The following NDUFAF2 variants were observed in gnomAD, a reference collection of about 807,000 sequenced individuals.
NDUFAF2 encodes the protein NADH:ubiquinone oxidoreductase complex assembly factor 2.
A neutral mutation model predicts 22.8 loss-of-function variants in NDUFAF2; 13 were observed. The observed-to-expected ratio is 0.57, with a 90% CI of 0.37 to 0.91. The LOEUF (loss-of-function observed/expected upper bound fraction) is 0.91. Among genes scored for constraint, NDUFAF2 ranks in the 40% least tolerant of loss-of-function variants. NDUFAF2 has a pLI of 0.01. For synonymous variants in NDUFAF2, 53 were observed against 64.2 expected, an observed-to-expected ratio of 0.83 and a Z score of 0.84; for missense variants, 162 against 195.2, an observed-to-expected ratio of 0.83 and a Z score of 1.01.
intron 2 of NDUFAF2, among the ~76,000 whole-genome samples, chr5:61,087,714 C>G (rs1434563755): frequency 1.3e-5 from 2 of 152,004 alleles, no homozygotes; most frequent in Non-Finnish European, 2.9e-5. Flanking sequence ...CGGAATTTTC[C>G]CAGCAGCTTT....
chr5:61,003,722 C>T (rs1751328943), intron 1 of NDUFAF2, among the ~76,000 whole-genome samples: 2 of 149,464 alleles, frequency 1.3e-5, no homozygotes, highest in Non-Finnish European at 3.0e-5. Flanking sequence ...ATGATCGTAG[C>T]TCACTGCAAC....
intron 1 of NDUFAF2, among the ~76,000 whole-genome samples, chr5:61,021,460 A>C (rs1751582991): frequency 6.6e-6 from 1 of 152,180 alleles, no homozygotes; most frequent in African/African-American, 2.4e-5. Flanking sequence ...CCACCCAGGT[A>C]ATTCAGGATA....
intron 2 of NDUFAF2, among the ~76,000 whole-genome samples, chr5:61,075,463 A>G (rs574990859): frequency 6.6e-6 from 1 of 152,192 alleles, no homozygotes; most frequent in African/African-American, 2.4e-5. Flanking sequence ...AGTGTTATAA[A>G]CTACATTTAC....
At chr5:61,143,922 G>A (rs964855079) in intron 3 of NDUFAF2, among the ~76,000 whole-genome samples, 1 of 151,220 alleles carries the variant, frequency 6.6e-6, no homozygotes, top group Admixed American at 6.6e-5. Flanking sequence ...CTTTAGAGGA[G>A]CCTGGAGCCA....
At chr5:60,998,096 T>C (rs1213978525) in intron 1 of NDUFAF2, among the ~76,000 whole-genome samples, 2 of 152,210 alleles carry the variant, frequency 1.3e-5, no homozygotes, top group Non-Finnish European at 2.9e-5. Context: ...AATTTGTAGG[T>C]ACTGTTTAAA....
chr5:61,105,804 C>T (rs1231964967), intron 3 of NDUFAF2, among the ~76,000 whole-genome samples: 1 of 151,300 alleles, frequency 6.6e-6, no homozygotes, highest in Non-Finnish European at 1.5e-5. Flanking sequence ...AAGACATAAA[C>T]CCACAAGGTC....
chr5:61,108,446 GGCCA>G (rs1752796189), intron 3 of NDUFAF2, among the ~76,000 whole-genome samples: 1 of 151,236 alleles, frequency 6.6e-6, no homozygotes, highest in Non-Finnish European at 1.5e-5. Flanking sequence ...TTTCTCTGAT[GGCCA>G]GTGATGGTGA....
chr5:61,111,122 C>T (rs1319623551), intron 3 of NDUFAF2, among the ~76,000 whole-genome samples: 2 of 152,066 alleles, frequency 1.3e-5, no homozygotes, highest in Non-Finnish European at 2.9e-5. Context: ...GTATAGTTTC[C>T]AAAATTCCTC....
chr5:61,045,442 A>G (rs1580111021), intron 1 of NDUFAF2, among the ~76,000 whole-genome samples: 2 of 150,890 alleles, frequency 1.3e-5, no homozygotes, highest in East Asian at 3.9e-4. Flanking sequence ...TATTTTTTGT[A>G]GCTATTGTAA....
At chr5:61,024,286 T>G (rs1263029617) in intron 1 of NDUFAF2, among the ~76,000 whole-genome samples, 1 of 152,104 alleles carries the variant, frequency 6.6e-6, no homozygotes, top group African/African-American at 2.4e-5. Context: ...CTCCAGTGCG[T>G]TTTTCAAACA....
intron 1 of NDUFAF2, among the ~76,000 whole-genome samples, chr5:60,993,636 T>C (rs1046301080): frequency 6.6e-6 from 1 of 152,014 alleles, no homozygotes; most frequent in Non-Finnish European, 1.5e-5. Context: ...GGGTAGTTCC[T>C]CTCTGCGGGT....
At chr5:61,101,945 C>T (rs1752709677) in intron 3 of NDUFAF2, among the ~76,000 whole-genome samples, 1 of 152,134 alleles carries the variant, frequency 6.6e-6, no homozygotes, top group Non-Finnish European at 1.5e-5. Context: ...TTTGCATCTG[C>T]ATCACCTGAA....
intron 1 of NDUFAF2, among the ~76,000 whole-genome samples, chr5:61,039,347 C>G (rs556636880): frequency 4.6e-5 from 7 of 152,204 alleles, no homozygotes; most frequent in African/African-American, 1.7e-4. Context: ...AATAGAACAT[C>G]TATCAGATGT....
intron 1 of NDUFAF2, among the ~76,000 whole-genome samples, chr5:61,046,130 A>G (rs1222488900): frequency 1.3e-5 from 2 of 152,204 alleles, no homozygotes; most frequent in Non-Finnish European, 2.9e-5. Flanking sequence ...TGATTTGTGT[A>G]TAATGAACTG....
At chr5:61,135,833 G>T (rs1740919615) in intron 3 of NDUFAF2, among the ~76,000 whole-genome samples, 1 of 151,408 alleles carries the variant, frequency 6.6e-6, no homozygotes, top group Admixed American at 6.6e-5. Flanking sequence ...AGTAGGATTG[G>T]GGTGGATTGT....
chr5:61,104,339 T>C (rs1316644142), intron 3 of NDUFAF2, among the ~76,000 whole-genome samples: 2 of 152,144 alleles, frequency 1.3e-5, no homozygotes, highest in Non-Finnish European at 2.9e-5. Context: ...AGTTTTTTGT[T>C]TGAACAAGTG....
chr5:61,008,204 T>G (rs754175689), intron 1 of NDUFAF2, among the ~76,000 whole-genome samples: 3 of 149,290 alleles, frequency 2.0e-5, no homozygotes, highest in African/African-American at 4.9e-5. Flanking sequence ...CTAATGCTAA[T>G]TGACGAGTTA....
At chr5:61,088,670 G>A (rs945687891) in intron 2 of NDUFAF2, among the ~76,000 whole-genome samples, 2 of 152,118 alleles carry the variant, frequency 1.3e-5, no homozygotes, top group Non-Finnish European at 2.9e-5. Flanking sequence ...ACTTAAAGAT[G>A]CCAACTTAAT....
intron 2 of NDUFAF2, among the ~76,000 whole-genome samples, chr5:61,096,459 C>T (rs1164881627): frequency 2.6e-5 from 4 of 151,718 alleles, no homozygotes; most frequent in Admixed American, 2.0e-4. Context: ...ATTAGCTGGG[C>T]GTGGTGGCGA....
Sources: gnomAD v4.1 joint callset for allele counts (sites outside exome capture counted in the v4.1 genomes callset) on GRCh38, gnomAD v4.1.1 for gene constraint, MANE v1.5 for transcripts, NCBI Gene and HGNC (gene_info 2026-07-23, HGNC 2026-07-21) for gene names.